The following PLAGL2 variants were observed in gnomAD, a reference collection of about 807,000 sequenced individuals.
PLAGL2 encodes zinc finger protein PLAGL2.
A neutral mutation model predicts 29.0 loss-of-function variants in PLAGL2; 7 were observed. The ratio of observed to expected loss-of-function variants is 0.24; its 90% CI spans 0.14 to 0.45. The LOEUF is 0.45. Ranked by LOEUF, PLAGL2 falls within the 20% of genes least tolerant of loss-of-function variation. The probability of loss-of-function intolerance (pLI) is 0.99; values close to 1 mark genes in which losing one functional copy is unlikely to be tolerated. For missense variants in PLAGL2, 454 were observed against 648.2 expected (o/e 0.70, Z 3.25); for synonymous variants, 234 against 266.0 (o/e 0.88, Z 1.17).
At chr20:32,204,563 T>C (rs1037707489) in intron 1 of PLAGL2, among the ~76,000 whole-genome samples, 6 of 152,198 alleles carry the variant, frequency 3.9e-5, no homozygotes, top group African/African-American at 1.4e-4. Flanking sequence ...ACCCTGATCC[T>C]ACTCTCCTAC....
intron 2 of PLAGL2, among the ~76,000 whole-genome samples, chr20:32,198,017 AG>A (rs2047239373): frequency 6.6e-6 from 1 of 152,242 alleles, no homozygotes; most frequent in Admixed American, 6.5e-5. Flanking sequence ...GTGTACTTAC[AG>A]GGAACATGCT....
At chr20:32,206,422 C>G (rs1397757811) in intron 1 of PLAGL2, among the ~76,000 whole-genome samples, 1 of 151,280 alleles carries the variant, frequency 6.6e-6, no homozygotes, top group Non-Finnish European at 1.5e-5. Flanking sequence ...TTTGGAGTCT[C>G]TTTGATTCAC....
Position 32,196,371 on chromosome 20 carries a change from GC to G in PLAGL2, c.*80del. 2.8e-6 allele frequency: 3 copies of G among 1,077,102 alleles called. No individual in the cohort carries two copies. The East Asian group carries it at 8.3e-5, about 30-fold the overall frequency. 66.7% of individuals were successfully genotyped at this position (1,077,102 alleles called of 1,614,324 possible). On this transcript the variant is annotated 3_prime_UTR_variant, in exon 3 of 3. Coordinates refer to ENST00000246229, the MANE Select transcript of PLAGL2 (RefSeq NM_002657.3). ...TGAACCCAGCTCTGAAAGCTCAGCTGCCTTCATGGGGGACACAGACGGGGTG... is the reference window on the plus strand; with the variant it reads ...TGAACCCAGCTCTGAAAGCTCAGCTGCTTCATGGGGGACACAGACGGGGTG...
chr20:32,201,778 G>A (rs1050340802), intron 2 of PLAGL2, 141 bp downstream of exon 2: 21 of 664,312 alleles, frequency 3.2e-5, no homozygotes, highest in African/African-American at 2.9e-4. Context: ...GACTTCAACT[G>A]TTTGGCATTC....
intron 2 of PLAGL2, among the ~76,000 whole-genome samples, chr20:32,200,476 T>G (rs749359666): frequency 1.2e-4 from 18 of 152,172 alleles, no homozygotes; most frequent in Non-Finnish European, 2.4e-4. Flanking sequence ...TCCGCCTGCC[T>G]TGGCCTCCCA....
intron 2 of PLAGL2, among the ~76,000 whole-genome samples, chr20:32,201,174 A>C (rs948096965): frequency 2.0e-4 from 31 of 152,174 alleles, no homozygotes; most frequent in African/African-American, 7.2e-4. Flanking sequence ...CTACTTTAAA[A>C]TTTACAGACT....
At chr20:32,203,808 T>A (rs1192983454) in intron 1 of PLAGL2, among the ~76,000 whole-genome samples, 1 of 152,208 alleles carries the variant, frequency 6.6e-6, no homozygotes, top group Admixed American at 6.5e-5. Context: ...ACCATTCCTC[T>A]TGTTGAAGAA....
Position 32,197,208 on chromosome 20 carries a change from C to A in PLAGL2, c.735G>T (p.Glu245Asp), listed in dbSNP as rs765291934. Reference protein sequence around the residue: ...TRHVKKSHSQELLKIKTEPVD... With the variant: ...TRHVKKSHSQDLLKIKTEPVD... ...CGGGCTCTGTCTTGATCTTGAGCAGCTCCTGCGAGTGGCTCTTCTTGACAT... is the reference window on the plus strand; with the variant it reads ...CGGGCTCTGTCTTGATCTTGAGCAGATCCTGCGAGTGGCTCTTCTTGACAT... The change falls in exon 3 of 3, where the codon GAG (glutamate) becomes GAT (aspartate). Residue 245 changes from glutamate (E) to aspartate (D), a missense_variant. This residue lies in a region of PLAGL2 where 247 missense variants were observed against 350.3 expected (regional missense o/e 0.71). Coordinates refer to ENST00000246229, the MANE Select transcript of PLAGL2 (RefSeq NM_002657.3). The surrounding 1 kb of genome is among the most constrained non-coding windows in gnomAD (Gnocchi z 6.6). 2.7e-5 allele frequency: 44 copies of A among 1,614,118 alleles called. No individual in the cohort carries two copies. The highest frequency in any genetic ancestry group is 3.4e-5 in the Non-Finnish European group (40 of 1,180,050).
In PLAGL2 at chr20:32,202,193, C is replaced by T. The variant is rs2047263679; in HGVS notation, c.-15G>A. ...AATGTGGTCATGGCAAGGCTAATGG[C>T]AAAGGGCCATGTTATTGAGAAAGCC... On this transcript the variant is annotated 5_prime_UTR_variant, in exon 2 of 3. Coordinates refer to ENST00000246229, the MANE Select transcript of PLAGL2 (RefSeq NM_002657.3). 6.2e-7 allele frequency: 1 copy of T among 1,613,172 alleles called. No individual in the cohort carries two copies. The highest frequency in any genetic ancestry group is 2.2e-5 in the East Asian group (1 of 44,870).
chr20:32,202,690 T>C (rs1410029252), intron 1 of PLAGL2, among the ~76,000 whole-genome samples: 1 of 152,152 alleles, frequency 6.6e-6, no homozygotes, highest in African/African-American at 2.4e-5. Flanking sequence ...AGATAGCGGT[T>C]CCTCCTTCTT....
Position 32,202,188 on chromosome 20 carries a change from A to G in PLAGL2, c.-10T>C, listed in dbSNP as rs2047263644. 1.2e-6 allele frequency: 2 copies of G among 1,613,614 alleles called. No individual in the cohort carries two copies. The highest frequency in any genetic ancestry group is 1.3e-5 in the African/African-American group (1 of 75,048). On this transcript the variant is annotated 5_prime_UTR_variant, in exon 2 of 3. The change abolishes the stop of an existing upstream ORF in the 5' untranslated region. Transcript: ENST00000246229. ...TGAAAAATGTGGTCATGGCAAGGCT[A>G]ATGGCAAAGGGCCATGTTATTGAGA...
Position 32,196,780 on chromosome 20 carries a change from G to C in PLAGL2, c.1163C>G (p.Ala388Gly), listed in dbSNP as rs768542815. 6.2e-7 allele frequency: 1 copy of C among 1,608,400 alleles called. No homozygotes were observed. The highest frequency in any genetic ancestry group is 1.7e-5 in the Admixed American group (1 of 59,758). ...QPASPQPAAA[A>G]ALLDEALLAK... ...AAGCAGTGCTTCATCTAGGAGGGCCGCAGCTGCCGCCGGCTGAGGTGAGGC... is the reference window on the plus strand; with the variant it reads ...AAGCAGTGCTTCATCTAGGAGGGCCCCAGCTGCCGCCGGCTGAGGTGAGGC... Residue 388 changes from alanine (A) to glycine (G), a missense_variant, in exon 3 of 3, where the codon GCG (alanine) becomes GGG (glycine). By Grantham distance (60) the Ala-to-Gly change is moderately conservative. This residue lies in a region of PLAGL2 where 247 missense variants were observed against 350.3 expected (regional missense o/e 0.71). Transcript: ENST00000246229.
At position 32,196,792 on chromosome 20, in the gene PLAGL2, G is replaced by A. The variant is rs760357437; in HGVS notation, c.1151C>T (p.Pro384Leu). 69 of 1,611,356 alleles carry A rather than the reference G, an allele frequency of 4.3e-5. No homozygotes were observed. Among genetic ancestry groups the A allele is most frequent in the Non-Finnish European group, 5.6e-5 (66 of 1,178,222 alleles). ...SAEPQPASPQPAAAAALLDEA... is the reference protein window; with the variant it reads ...SAEPQPASPQLAAAAALLDEA... ...ATCTAGGAGGGCCGCAGCTGCCGCC[G>A]GCTGAGGTGAGGCGGGCTGGGGTTC... Residue 384 changes from proline (P) to leucine (L), a missense_variant, in exon 3 of 3, where the codon CCG becomes CTG. Around this residue, in one of 4 missense-constraint regions of PLAGL2, gnomAD observed 247 missense variants for 350.3 expected, o/e 0.71. Transcript: ENST00000246229.
chr20:32,204,108 AG>A (rs1243037461), intron 1 of PLAGL2, among the ~76,000 whole-genome samples: 1 of 152,200 alleles, frequency 6.6e-6, no homozygotes, highest in African/African-American at 2.4e-5. Flanking sequence ...CTTGGAATTG[AG>A]CAGAGAGTGT....
At position 32,196,836 on chromosome 20, in the gene PLAGL2, G is replaced by C. The variant is rs2047231748; in HGVS notation, c.1107C>G (p.Ser369Arg). The C allele has an allele frequency of 6.2e-7, 1 of 1,613,988 alleles. No homozygotes were observed. The highest frequency in any genetic ancestry group is 8.5e-7 in the Non-Finnish European group (1 of 1,179,866). ...VDSFLAELPG[S>R]LSLSSAEPQP... ...GGGGTTCAGCGGATGAGAGAGACAG[G>C]CTTCCAGGAAGCTCCGCCAGAAAAC... Residue 369 changes from serine to arginine, a missense_variant, in exon 3 of 3, where the codon AGC becomes AGG. Ser to Arg is a moderately radical substitution (Grantham distance 110). Transcript: ENST00000246229.
At chr20:32,201,877 T>C (rs1308651707) in intron 2 of PLAGL2, 42 bp downstream of exon 2, 1 of 1,565,154 alleles carries the variant, frequency 6.4e-7, no homozygotes, top group Admixed American at 1.8e-5. Context: ...TTTTTCCCTC[T>C]GGGAACCTCA....
At position 32,196,201 on chromosome 20, in the gene PLAGL2, A is replaced by G. The variant is rs2047226905; in HGVS notation, c.*251T>C. The stretch of plus-strand genomic sequence containing the variant: ...AAGTGTGGCTCCCGATTCAGGTCAA[A>G]AAAATAAAAGTAAATAATACCTGAA... On this transcript the variant is annotated 3_prime_UTR_variant, in exon 3 of 3. Coordinates refer to ENST00000246229, the MANE Select transcript of PLAGL2 (RefSeq NM_002657.3). 1 of 331,408 alleles carries G rather than the reference A, an allele frequency of 3.0e-6. No homozygotes were observed. 20.5% of individuals were successfully genotyped at this position (331,408 alleles called of 1,614,324 possible). A position where few individuals can be genotyped will look rare whatever the true frequency, so the allele number is the denominator to read the frequency against.
At position 32,207,723 on chromosome 20, in the gene PLAGL2, G is replaced by A. The variant is rs567811688; in HGVS notation, c.-197C>T. ...CAGGCCCCGGTAGTGGCGGCGGTCG[G>A]GCCATTGTGCGGTGCATTGTGGGAG... On this transcript the variant is annotated 5_prime_UTR_variant, in exon 1 of 3. Coordinates refer to ENST00000246229, the MANE Select transcript of PLAGL2 (RefSeq NM_002657.3). The A allele has an allele frequency of 2.4e-4, 82 of 345,124 alleles. No individual in the cohort carries two copies. Among genetic ancestry groups the A allele is most frequent in the Admixed American group, 4.3e-4 (8 of 18,432 alleles). 21.4% of individuals were successfully genotyped at this position (345,124 alleles called of 1,614,324 possible).
At position 32,197,964 on chromosome 20, in the gene PLAGL2, T is replaced by G. The variant is rs1470221014; in HGVS notation, c.261-282A>C. 6.6e-6 allele frequency among the ~76,000 whole-genome samples: 1 copy of G among 152,220 alleles called. No homozygotes were observed. Among genetic ancestry groups the G allele is most frequent in the Non-Finnish European group, 1.5e-5 (1 of 68,038 alleles). On this transcript the variant is annotated intron_variant, in intron 2 of 2. Coordinates refer to ENST00000246229, the MANE Select transcript of PLAGL2 (RefSeq NM_002657.3). This position sits in a 1 kb window ranked among gnomAD's most constrained non-coding sequence, Gnocchi z 6.6. ...AGGGAACTGGTTACATAAATTATGA[T>G]AAGTCCATAAAATGACTCAACTTTT...
Sources: gnomAD v4.1 joint callset for allele counts (sites outside exome capture counted in the v4.1 genomes callset) on GRCh38, gnomAD v4.1.1 for gene constraint, gnomAD v4.1.1 regional missense constraint, Gnocchi (gnomAD v3.1) non-coding constraint, MANE v1.5 for transcripts, NCBI Gene and HGNC (gene_info 2026-07-23, HGNC 2026-07-21) for gene names.